ST8SIA1: variants seen among roughly 807,000 people sequenced by gnomAD.
ST8SIA1 encodes ST8 alpha-N-acetyl-neuraminide alpha-2,8-sialyltransferase 1.
ST8SIA1 carries 16 observed loss-of-function variants against 35.9 expected under a neutral mutation model. The ratio of observed to expected loss-of-function variants is 0.45; its 90% CI spans 0.30 to 0.68. The LOEUF is 0.68. ST8SIA1 is among the 30% of genes least tolerant of loss of function. The probability of loss-of-function intolerance (pLI) is 0.09; values close to 1 mark genes in which losing one functional copy is unlikely to be tolerated. For missense variants in ST8SIA1, 383 were observed against 453.6 expected, an observed-to-expected ratio of 0.84 and a Z score of 1.41; for synonymous variants, 170 against 169.6, an observed-to-expected ratio of 1.00 and a Z score of -0.02.
rs948317970 is a variant in ST8SIA1, at chr12:22,200,343, T to C, written c.*1209A>G. ...CAACACTGGTTACAAATTTTTGCCA[T>C]ACCAGGTCATATGAGTTCAGCTTTC... On this transcript the variant is annotated 3_prime_UTR_variant, in exon 5 of 5. Transcript: ENST00000396037. 2.6e-5 allele frequency: 4 copies of C among 152,242 alleles called. No individual in the cohort carries two copies. Among genetic ancestry groups the C allele is most frequent in the Non-Finnish European group, 1.5e-5 (1 of 68,042 alleles). The allele number at this position is 152,242 out of a possible 1,614,324, so 9.4% of individuals were successfully genotyped here.
chr12:22,322,895 T>C (rs535584259), intron 1 of ST8SIA1, among the ~76,000 whole-genome samples: 3 of 152,354 alleles, frequency 2.0e-5, no homozygotes, highest in East Asian at 3.9e-4. Context: ...TTGTGAAACA[T>C]AGTATTTCTA....
At chr12:22,282,391 G>C (rs988917489) in intron 2 of ST8SIA1, among the ~76,000 whole-genome samples, 1 of 152,198 alleles carries the variant, frequency 6.6e-6, no homozygotes, top group Non-Finnish European at 1.5e-5. Flanking sequence ...CAAACGCAAG[G>C]CATTTGCCTA....
chr12:22,198,590 CA>C lies in ST8SIA1; in HGVS notation c.*2961del. On this transcript the variant is annotated 3_prime_UTR_variant, in exon 5 of 5. Coordinates refer to ENST00000396037, the MANE Select transcript of ST8SIA1 (RefSeq NM_003034.4). The stretch of plus-strand genomic sequence containing the variant: ...ACACTCCTATCTAACCAATTATGTC[CA>C]AAAGGCATATGTATGGTGTATCTAG... 6.7e-6 allele frequency: 1 copy of C among 149,590 alleles called. No homozygotes were observed. 9.3% of individuals were successfully genotyped at this position (149,590 alleles called of 1,614,324 possible). A position where few individuals can be genotyped will look rare whatever the true frequency, so the allele number is the denominator to read the frequency against.
intron 1 of ST8SIA1, among the ~76,000 whole-genome samples, chr12:22,314,396 T>A (rs1331048110): frequency 6.6e-6 from 1 of 152,160 alleles, no homozygotes; most frequent in Non-Finnish European, 1.5e-5. Context: ...GCTTTAACTT[T>A]TCAGTCACCA....
chr12:22,215,928 A>G (rs1400376102), intron 4 of ST8SIA1, among the ~76,000 whole-genome samples: 1 of 152,220 alleles, frequency 6.6e-6, no homozygotes, highest in African/African-American at 2.4e-5. Context: ...CAAGGACTCT[A>G]TAGCCCTAAG....
At chr12:22,289,823 C>T (rs143477636) in intron 1 of ST8SIA1, among the ~76,000 whole-genome samples, 16 of 152,276 alleles carry the variant, frequency 1.1e-4, no homozygotes, top group Admixed American at 7.8e-4. Context: ...ACTTGCAAAT[C>T]GCTTTCATAT....
intron 2 of ST8SIA1, among the ~76,000 whole-genome samples, chr12:22,278,196 A>C (rs142456731): frequency 6.6e-6 from 1 of 152,338 alleles, no homozygotes; most frequent in East Asian, 1.9e-4. Flanking sequence ...CTATGCATCA[A>C]ATCCTTGCTT....
chr12:22,283,235 A>G (rs1194537169), intron 2 of ST8SIA1, among the ~76,000 whole-genome samples: 2 of 152,192 alleles, frequency 1.3e-5, no homozygotes, highest in African/African-American at 4.8e-5. Flanking sequence ...TTATATCACA[A>G]TGTAAGAGAA....
chr12:22,283,219 T>C (rs1452807024), intron 2 of ST8SIA1, among the ~76,000 whole-genome samples: 1 of 152,100 alleles, frequency 6.6e-6, no homozygotes, highest in African/African-American at 2.4e-5. Flanking sequence ...TGAGGAGAAA[T>C]GTAATTTATA....
intron 3 of ST8SIA1, 101 bp from the exon 4 acceptor site, chr12:22,249,199 C>A: frequency 2.6e-6 from 2 of 765,206 alleles, no homozygotes; most frequent in East Asian, 2.8e-5. Flanking sequence ...GCTGAATTCA[C>A]GAGTAACTGT....
intron 2 of ST8SIA1, among the ~76,000 whole-genome samples, chr12:22,257,266 C>G (rs1205909092): frequency 1.3e-5 from 2 of 151,886 alleles, no homozygotes; most frequent in Non-Finnish European, 2.9e-5. Flanking sequence ...GGCTGGAGTA[C>G]AGTGGCATGA....
intron 2 of ST8SIA1, among the ~76,000 whole-genome samples, chr12:22,266,694 G>A (rs1181280018): frequency 6.6e-6 from 1 of 152,058 alleles, no homozygotes; most frequent in Non-Finnish European, 1.5e-5. Context: ...CTACTCGGGA[G>A]GCTGAGGTGG....
At chr12:22,214,479 G>A (rs1430235943) in intron 4 of ST8SIA1, among the ~76,000 whole-genome samples, 1 of 151,684 alleles carries the variant, frequency 6.6e-6, no homozygotes, top group Non-Finnish European at 1.5e-5. Context: ...GAGTAGACCT[G>A]GAAATGGATT....
In ST8SIA1 at chr12:22,329,257, TC is replaced by T. The variant is rs1866725797; in HGVS notation, c.236+4739del. Among the ~76,000 whole-genome samples, 4 of 152,184 alleles carry T rather than the reference TC, an allele frequency of 2.6e-5. No individual in the cohort carries two copies. In the South Asian group the frequency reaches 8.3e-4, roughly 32 times the overall value. On this transcript the variant is annotated intron_variant, in intron 1 of 4. Transcript: ENST00000396037. ...AATAGCTCCAGGTTGGAAATCAAAC[TC>T]CATCATTTTGTTCATGGATCTGTCT...
At chr12:22,227,606 ATGTTTT>A (rs1865373972) in intron 4 of ST8SIA1, among the ~76,000 whole-genome samples, 1 of 152,130 alleles carries the variant, frequency 6.6e-6, no homozygotes, top group South Asian at 2.1e-4. Context: ...CACAAAAAAA[ATGTTTT>A]GAGGTGTTCT....
intron 4 of ST8SIA1, chr12:22,223,199 A>G (rs1467761481): frequency 2.0e-5 from 3 of 152,242 alleles, no homozygotes; most frequent in Admixed American, 2.0e-4. Context: ...TGTTTAATGC[A>G]CTGACATATT....
Position 22,198,781 on chromosome 12 carries a change from C to T in ST8SIA1, c.*2771G>A, listed in dbSNP as rs879799535. On this transcript the variant is annotated 3_prime_UTR_variant, in exon 5 of 5. Transcript: ENST00000396037. ...CAGGTCTGAGATGTCAACCTTGATA[C>T]TACTGACATCTCAGCCTGGATAATT... 1 of 152,154 alleles carries T rather than the reference C, an allele frequency of 6.6e-6. No homozygotes were observed. The highest frequency in any genetic ancestry group is 1.5e-5 in the Non-Finnish European group (1 of 68,042). The allele number at this position is 152,154 out of a possible 1,614,324, so 9.4% of individuals were successfully genotyped here.
At chr12:22,304,273 G>A (rs982654332) in intron 1 of ST8SIA1, among the ~76,000 whole-genome samples, 17 of 147,968 alleles carry the variant, frequency 1.1e-4, no homozygotes, top group African/African-American at 3.7e-4. Context: ...CTATGTGTTT[G>A]TATTTAAAAG....
intron 4 of ST8SIA1, among the ~76,000 whole-genome samples, chr12:22,214,380 A>G (rs1249585751): frequency 3.3e-5 from 5 of 152,316 alleles, no homozygotes; most frequent in African/African-American, 1.2e-4. Context: ...AATTGATTTC[A>G]TAGTAGAAAT....
Sources: allele counts gnomAD v4.1 joint callset (sites outside exome capture counted in the v4.1 genomes callset), GRCh38; gene constraint gnomAD v4.1.1; transcripts MANE v1.5; gene names NCBI Gene and HGNC (gene_info 2026-07-23, HGNC 2026-07-21).